The following GRID1 variants were observed in gnomAD, a reference collection of about 807,000 sequenced individuals.
GRID1 encodes glutamate ionotropic receptor delta type subunit 1.
In GRID1, 28 loss-of-function variants were observed where a neutral mutation model predicts 98.0. The observed-to-expected ratio is 0.29, with a 90% CI of 0.21 to 0.39. The LOEUF (loss-of-function observed/expected upper bound fraction) is 0.39, where lower values mean the gene tolerates loss of function less well. GRID1 is among the 10% of genes least tolerant of loss of function. The pLI, the probability that GRID1 is intolerant of heterozygous loss-of-function variation, is 1.00. For synonymous variants in GRID1, 553 were observed against 538.5 expected (o/e 1.03, Z -0.37); for missense variants, 1,111 against 1,340.5 (o/e 0.83, Z 2.67).
chr10:86,244,585 T>C (rs895224435), intron 2 of GRID1, among the ~76,000 whole-genome samples: 4 of 152,208 alleles, frequency 2.6e-5, no homozygotes, highest in African/African-American at 4.8e-5. Flanking sequence ...TAATCATCCC[T>C]GGCAGCAGGA....
intron 4 of GRID1, among the ~76,000 whole-genome samples, chr10:86,014,202 C>A: frequency 6.6e-6 from 1 of 152,186 alleles, no homozygotes. Context: ...GGAACTCACA[C>A]AAGTTAAACA....
intron 2 of GRID1, among the ~76,000 whole-genome samples, chr10:86,360,002 T>C (rs1168614585): frequency 6.6e-6 from 1 of 152,240 alleles, no homozygotes; most frequent in Non-Finnish European, 1.5e-5. Flanking sequence ...TTGTTTTCCA[T>C]ACATTGACCA....
chr10:85,674,748 C>A (rs1357974640), intron 12 of GRID1, among the ~76,000 whole-genome samples: 1 of 151,084 alleles, frequency 6.6e-6, no homozygotes, highest in African/African-American at 2.4e-5. Context: ...ATAAATCCAT[C>A]CATAGCAGAG....
chr10:86,080,373 AAAGGAAAGGAAAGGGAAGGG>A (rs370901041), intron 4 of GRID1, among the ~76,000 whole-genome samples: 2,049 of 85,742 alleles, frequency 0.024, 35 homozygotes, highest in African/African-American at 0.042. Flanking sequence ...AGAGAGAGAA[AAAGGAAAGGAAAGGGAAGGG>A]AAGGGAAGGG....
chr10:85,704,720 T>A (rs999305172), intron 12 of GRID1, among the ~76,000 whole-genome samples: 7 of 152,190 alleles, frequency 4.6e-5, no homozygotes, highest in African/African-American at 1.7e-4. Flanking sequence ...TAGTTGGAAG[T>A]AAGGCACGCC....
At chr10:86,359,035 C>A (rs770076754) in intron 2 of GRID1, among the ~76,000 whole-genome samples, 12 of 152,178 alleles carry the variant, frequency 7.9e-5, no homozygotes, top group Non-Finnish European at 1.3e-4. Context: ...CAGAAGGACC[C>A]AGATTTTAGC....
chr10:86,034,092 C>T (rs1276063445), intron 4 of GRID1, among the ~76,000 whole-genome samples: 1 of 152,164 alleles, frequency 6.6e-6, no homozygotes, highest in Non-Finnish European at 1.5e-5. Context: ...AAATGGAAAG[C>T]CTACAGCTCC....
intron 4 of GRID1, among the ~76,000 whole-genome samples, chr10:85,979,802 G>T (rs1842522122): frequency 6.6e-6 from 1 of 152,166 alleles, no homozygotes; most frequent in Non-Finnish European, 1.5e-5. Flanking sequence ...TGGTCCACAG[G>T]GCTCAGGAAG....
chr10:86,240,602 T>A (rs916459651), intron 2 of GRID1, among the ~76,000 whole-genome samples: 1 of 95,292 alleles, frequency 1.0e-5, no homozygotes, highest in Non-Finnish European at 2.3e-5. Context: ...GGGGCGGGGG[T>A]GGGCAGGGCA....
At position 85,681,890 on chromosome 10, in the gene GRID1, TG is replaced by T. The variant is rs1841213434; in HGVS notation, c.1998-34494del. 6.6e-5 allele frequency among the ~76,000 whole-genome samples: 10 copies of T among 152,210 alleles called. No homozygotes were observed. In the South Asian group the frequency reaches 2.1e-3, roughly 32 times the overall value. Reference sequence around the variant, plus strand: ...TGCTCAACCAGAGTTGAACCAATGCTGGGGTACCTCAGGCAATTCACCCAAC... The same window carrying T: ...TGCTCAACCAGAGTTGAACCAATGCTGGGTACCTCAGGCAATTCACCCAAC... On this transcript the variant is annotated intron_variant, in intron 12 of 15. Transcript: ENST00000327946.
intron 4 of GRID1, among the ~76,000 whole-genome samples, chr10:86,127,269 G>C (rs7908623): frequency 0.06 from 9,153 of 152,234 alleles, 361 homozygotes; most frequent in Admixed American, 0.12. Context: ...CAGTGTAAGA[G>C]GTCCAGGGAT....
At chr10:86,193,462 C>T (rs1211276952) in intron 3 of GRID1, among the ~76,000 whole-genome samples, 1 of 152,040 alleles carries the variant, frequency 6.6e-6, no homozygotes, top group East Asian at 1.9e-4. Flanking sequence ...GGAAACCATG[C>T]CAGGGTCTCT....
chr10:85,997,928 T>A (rs1842759656), intron 4 of GRID1, among the ~76,000 whole-genome samples: 1 of 152,100 alleles, frequency 6.6e-6, no homozygotes. Context: ...TAAATTAACA[T>A]CAGACAAATG....
At chr10:85,672,983 T>C (rs1564555285) in intron 12 of GRID1, among the ~76,000 whole-genome samples, 1 of 152,212 alleles carries the variant, frequency 6.6e-6, no homozygotes, top group Non-Finnish European at 1.5e-5. Context: ...GATTCACCAT[T>C]CTAGGTGCCA....
chr10:85,671,980 G>T (rs1475340541), intron 12 of GRID1, among the ~76,000 whole-genome samples: 1 of 152,242 alleles, frequency 6.6e-6, no homozygotes, highest in Non-Finnish European at 1.5e-5. Flanking sequence ...AGGAAAAAAA[G>T]TTGGAAGCTA....
intron 3 of GRID1, among the ~76,000 whole-genome samples, chr10:86,163,873 G>T (rs1275976680): frequency 6.6e-6 from 1 of 152,238 alleles, no homozygotes; most frequent in Non-Finnish European, 1.5e-5. Flanking sequence ...AGAGGAGGAA[G>T]AGTGGCCCAG....
chr10:86,172,207 A>G (rs1438093367), intron 3 of GRID1, among the ~76,000 whole-genome samples: 4 of 152,180 alleles, frequency 2.6e-5, no homozygotes, highest in Non-Finnish European at 5.9e-5. Context: ...TTCTGTGTCT[A>G]TGGATTCAGC....
intron 8 of GRID1, among the ~76,000 whole-genome samples, chr10:85,798,772 G>A (rs1475699766): frequency 5.3e-5 from 8 of 151,990 alleles, no homozygotes; most frequent in Admixed American, 5.2e-4. Flanking sequence ...CAGATGCATA[G>A]TTTATAAATA....
intron 2 of GRID1, among the ~76,000 whole-genome samples, chr10:86,209,609 G>C (rs551363410): frequency 6.6e-6 from 1 of 152,304 alleles, no homozygotes; most frequent in South Asian, 2.1e-4. Context: ...ATGACAATAC[G>C]TGGATATTTT....
Sources: allele counts gnomAD v4.1 joint callset (sites outside exome capture counted in the v4.1 genomes callset), GRCh38; gene constraint gnomAD v4.1.1; transcripts MANE v1.5; gene names NCBI Gene and HGNC (gene_info 2026-07-23, HGNC 2026-07-21).